BRCA1: variants seen among roughly 807,000 people sequenced by gnomAD.
The protein encoded by BRCA1 is BRCA1 DNA repair associated.
BRCA1 carries 140 observed loss-of-function variants against 173.7 expected under a neutral mutation model. The observed-to-expected ratio is 0.81, with a 90% CI of 0.70 to 0.93. The LOEUF is 0.93. Ranked by LOEUF, BRCA1 falls within the 40% of genes least tolerant of loss-of-function variation. The pLI, the probability that BRCA1 is intolerant of heterozygous loss-of-function variation, is 0.00. For synonymous variants in BRCA1, 662 were observed against 756.0 expected (o/e 0.88, Z 2.04); for missense variants, 1,983 against 2,172.5 (o/e 0.91, Z 1.73).
chr17:43,122,805 G>GGGA (rs1212830917), intron 2 of BRCA1, among the ~76,000 whole-genome samples: 2 of 151,886 alleles, frequency 1.3e-5, no homozygotes, highest in Non-Finnish European at 2.9e-5. Flanking sequence ...CTAGCACTTT[G>GGGA]GGAGGCCCAG....
At chr17:43,104,008 A>G (rs2154547882) in intron 6 of BRCA1, 114 bp downstream of exon 6, 1 of 1,345,468 alleles carries the variant, frequency 7.4e-7, no homozygotes, top group Non-Finnish European at 1.0e-6. Flanking sequence ...TAAGGGGGCT[A>G]AGGCAGGAGG....
chr17:43,152,503 G>A (rs531721774), intron 1 of BRCA1, among the ~76,000 whole-genome samples: 107 of 151,758 alleles, frequency 7.1e-4, no homozygotes, highest in African/African-American at 2.5e-3. Context: ...GGTGGATCAC[G>A]AGGTCAGGAG....
rs540476162 is a variant in BRCA1, at chr17:43,117,601, T to C, written c.81-1822A>G. On this transcript the variant is annotated intron_variant, in intron 2 of 22. Coordinates refer to ENST00000357654, the MANE Select transcript of BRCA1 (RefSeq NM_007294.4). ...TAAAAATACCAAAACTAACTGGGCA[T>C]GGTGGCATGCGCCTGTAATCCCAGC... 3.3e-5 allele frequency among the ~76,000 whole-genome samples: 5 copies of C among 152,216 alleles called. No individual in the cohort carries two copies. In the South Asian group the frequency reaches 1.0e-3, roughly 32 times the overall value.
At chr17:43,094,997 C>T (rs1597880807) in intron 9 of BRCA1, 137 bp from the exon 10 acceptor site, 3 of 718,572 alleles carry the variant, frequency 4.2e-6, no homozygotes, top group South Asian at 3.5e-5. Context: ...ACCAAGTATA[C>T]TGAAGATGTA....
intron 2 of BRCA1, among the ~76,000 whole-genome samples, 190 bp downstream of exon 2, chr17:43,123,827 C>G (rs1426640326): frequency 1.3e-5 from 2 of 152,170 alleles, no homozygotes; most frequent in South Asian, 4.1e-4. Flanking sequence ...GTGGGAGAGG[C>G]AGAGTGGATG....
At chr17:43,098,937 C>A (rs1457821495) in intron 7 of BRCA1, among the ~76,000 whole-genome samples, 1 of 151,360 alleles carries the variant, frequency 6.6e-6, no homozygotes, top group African/African-American at 2.4e-5. Context: ...CCTGCCTCAG[C>A]CTCCTGAGTA....
chr17:43,085,218 G>A (rs1163854746), intron 11 of BRCA1, among the ~76,000 whole-genome samples: 2 of 151,886 alleles, frequency 1.3e-5, no homozygotes, highest in African/African-American at 4.8e-5. Flanking sequence ...CTTCCATAAA[G>A]ACCCTTAGTG....
intron 3 of BRCA1, among the ~76,000 whole-genome samples, chr17:43,107,847 G>A (rs1031370518): frequency 1.4e-4 from 21 of 152,142 alleles, no homozygotes; most frequent in African/African-American, 5.1e-4. Flanking sequence ...ATAATTAAAA[G>A]CAGCGATTCA....
chr17:43,167,851 T>C (rs1462629154), intron 1 of BRCA1: 2 of 152,904 alleles, frequency 1.3e-5, no homozygotes, highest in African/African-American at 4.8e-5. Flanking sequence ...GTTTTAGAGC[T>C]AGAAGAAAAC....
chr17:43,141,124 G>A (rs1339101476), intron 1 of BRCA1, among the ~76,000 whole-genome samples: 3 of 152,044 alleles, frequency 2.0e-5, no homozygotes, highest in African/African-American at 7.2e-5. Context: ...CCTGACCCTG[G>A]GCACCCCTCC....
At chr17:43,115,226 G>A (rs746801950) in intron 3 of BRCA1, among the ~76,000 whole-genome samples, 5 of 152,134 alleles carry the variant, frequency 3.3e-5, no homozygotes, top group Non-Finnish European at 7.4e-5. Context: ...TATGTCAGTC[G>A]GGTGTGGTGG....
Position 43,044,492 on chromosome 17 carries a change from T to C in BRCA1, c.*1186A>G, listed in dbSNP as rs552911643. On this transcript the variant is annotated 3_prime_UTR_variant, in exon 23 of 23. Coordinates refer to ENST00000357654, the MANE Select transcript of BRCA1 (RefSeq NM_007294.4). ...TCTTCCTTCAGCAAGCAAAATTATTTATGAAGCTGTATGGTTTCAGCAACA... is the reference window on the plus strand; with the variant it reads ...TCTTCCTTCAGCAAGCAAAATTATTCATGAAGCTGTATGGTTTCAGCAACA... The C allele has an allele frequency of 1.8e-4, 91 of 507,914 alleles. No individual in the cohort carries two copies. In the Admixed American group the frequency reaches 1.9e-3, roughly 10 times the overall value. The allele number at this position is 507,914 out of a possible 1,614,324, so 31.5% of individuals were successfully genotyped here.
At chr17:43,109,088 G>A (rs8176121) in intron 3 of BRCA1, among the ~76,000 whole-genome samples, 3 of 136,646 alleles carry the variant, frequency 2.2e-5, no homozygotes, top group African/African-American at 7.8e-5. Flanking sequence ...TTGAACTCCC[G>A]ACCTCAAGTG....
In BRCA1 at chr17:43,091,743, AATG is replaced by A. The variant is rs1555587043; in HGVS notation, c.3785_3787del (p.Ser1262del). ...ACTGCAGTCATTTAAGCTATTCTTC[AATG>A]ATAATAAATTCTCCTCTGTGTTCTT... On this transcript the variant is annotated inframe_deletion, in exon 10 of 23. Transcript: ENST00000357654. 6.2e-7 allele frequency: 1 copy of A among 1,614,204 alleles called. No homozygotes were observed. Among genetic ancestry groups the A allele is most frequent in the Non-Finnish European group, 8.5e-7 (1 of 1,180,042 alleles).
At chr17:43,129,325 A>G (rs2055945183), upstream of BRCA1, among the ~76,000 whole-genome samples, 1 of 152,210 alleles carries the variant, frequency 6.6e-6, no homozygotes, top group African/African-American at 2.4e-5. Context: ...TGGTCCAGCT[A>G]AGCTAGAATC....
At chr17:43,143,140 C>T (rs1218520626) in intron 1 of BRCA1, among the ~76,000 whole-genome samples, 1 of 149,422 alleles carries the variant, frequency 6.7e-6, no homozygotes, top group African/African-American at 2.5e-5. Flanking sequence ...CGGGTTTCTC[C>T]ATGTTGGTTA....
At chr17:43,115,220 T>A (rs1006817185) in intron 3 of BRCA1, among the ~76,000 whole-genome samples, 1 of 152,134 alleles carries the variant, frequency 6.6e-6, no homozygotes, top group African/African-American at 2.4e-5. Flanking sequence ...ATAATATATG[T>A]CAGTCGGGTG....
At chr17:43,146,799 G>A (rs1174203072) in intron 1 of BRCA1, among the ~76,000 whole-genome samples, 4 of 152,270 alleles carry the variant, frequency 2.6e-5, no homozygotes, top group Non-Finnish European at 4.4e-5. Flanking sequence ...CTCAGCAGCC[G>A]ACTCTCCTGT....
chr17:43,058,111 AGCACTTTG>A (rs1299465209), intron 18 of BRCA1, among the ~76,000 whole-genome samples: 2 of 151,262 alleles, frequency 1.3e-5, no homozygotes, highest in Non-Finnish European at 2.9e-5. Context: ...CTATAACCCT[AGCACTTTG>A]GCACTTTGGG....
Sources: gnomAD v4.1 joint callset for allele counts (sites outside exome capture counted in the v4.1 genomes callset) on GRCh38, gnomAD v4.1.1 for gene constraint, MANE v1.5 for transcripts, NCBI Gene and HGNC (gene_info 2026-07-23, HGNC 2026-07-21) for gene names.